The following KDM4A variants were observed in gnomAD, a reference collection of about 807,000 sequenced individuals.
The protein encoded by KDM4A is lysine demethylase 4A.
A neutral mutation model predicts 127.1 loss-of-function variants in KDM4A; 23 were observed. The observed-to-expected ratio is 0.18, with a 90% CI of 0.13 to 0.26. The LOEUF is 0.26. KDM4A is among the 10% of genes least tolerant of loss of function. The pLI is 1.00. For missense variants in KDM4A, 890 were observed against 1,329.1 expected, an observed-to-expected ratio of 0.67 and a Z score of 5.14; for synonymous variants, 443 against 466.5, an observed-to-expected ratio of 0.95 and a Z score of 0.65.
chr1:43,684,502 CA>C (rs548105760), intron 12 of KDM4A, among the ~76,000 whole-genome samples: 1 of 149,222 alleles, frequency 6.7e-6, no homozygotes, highest in Non-Finnish European at 1.5e-5. Context: ...GATGCCATCT[CA>C]AAAAAAAACA....
chr1:43,652,520 A>G (rs1660136794), intron 1 of KDM4A, among the ~76,000 whole-genome samples: 1 of 151,884 alleles, frequency 6.6e-6, no homozygotes, highest in South Asian at 2.1e-4. Context: ...TTTATTTAAA[A>G]AAAATTTTTT....
chr1:43,678,996 G>T (rs1217876375), intron 11 of KDM4A, among the ~76,000 whole-genome samples: 1 of 152,158 alleles, frequency 6.6e-6, no homozygotes, highest in Non-Finnish European at 1.5e-5. Context: ...TTGGGCCACT[G>T]TCACCAGAAT....
chr1:43,683,384 G>A (rs1017279183), intron 11 of KDM4A, among the ~76,000 whole-genome samples: 4 of 152,146 alleles, frequency 2.6e-5, no homozygotes, highest in East Asian at 1.9e-4. Flanking sequence ...TTAAGGGACC[G>A]GGCAAGCCTC....
Position 43,666,552 on chromosome 1 carries a change from C to G in KDM4A, c.774C>G (p.Asp258Glu). ...LMLKKYGIPF[D>E]KVTQEAGEFM... ...TGAAGAAATATGGAATTCCCTTTGA[C>G]AAGGTGAGCTGATGTTACATGCCAA... The change falls in exon 7 of 22, where the codon GAC becomes GAG. Residue 258 changes from aspartate to glutamate, a missense_variant. By Grantham distance (45) the Asp-to-Glu change is conservative. Around this residue, in one of 7 missense-constraint regions of KDM4A, gnomAD observed 141 missense variants for 273.5 expected, o/e 0.52. Coordinates refer to ENST00000372396, the MANE Select transcript of KDM4A (RefSeq NM_014663.3). 6.2e-7 allele frequency: 1 copy of G among 1,613,118 alleles called. No individual in the cohort carries two copies. The highest frequency in any genetic ancestry group is 8.5e-7 in the Non-Finnish European group (1 of 1,179,080).
chr1:43,677,088 G>A (rs918586988), intron 11 of KDM4A, among the ~76,000 whole-genome samples: 3 of 152,132 alleles, frequency 2.0e-5, no homozygotes, highest in African/African-American at 7.2e-5. Flanking sequence ...GCTCACACCT[G>A]TAATCCCAGC....
chr1:43,693,043 C>G lies in KDM4A; in HGVS notation c.2375+732C>G, dbSNP rs908033446. ...GTCCAGCCGCCTGCCCTCAAGAGTCCCAGTTATGCTGTCCCTGAGAGATAG... is the reference window on the plus strand; with the variant it reads ...GTCCAGCCGCCTGCCCTCAAGAGTCGCAGTTATGCTGTCCCTGAGAGATAG... On this transcript the variant is annotated intron_variant, in intron 16 of 21. Transcript: ENST00000372396. The surrounding 1 kb of genome is among the most constrained non-coding windows in gnomAD (Gnocchi z 4.2). Among the ~76,000 whole-genome samples, 1 of 152,168 alleles carries G rather than the reference C, an allele frequency of 6.6e-6. No homozygotes were observed. Among genetic ancestry groups the G allele is most frequent in the Non-Finnish European group, 1.5e-5 (1 of 68,038 alleles).
chr1:43,703,515 AAC>A (rs967806339), intron 19 of KDM4A, 100 bp from the exon 20 acceptor site: 3 of 1,463,480 alleles, frequency 2.0e-6, no homozygotes, highest in East Asian at 4.6e-5. Context: ...TGCTCTCTAA[AAC>A]AGTTACTTTG....
Position 43,661,953 on chromosome 1 carries a change from G to A in KDM4A, c.430-941G>A, listed in dbSNP as rs140618136. On this transcript the variant is annotated intron_variant, in intron 4 of 21. Transcript: ENST00000372396. ...CCTGCCACCCAGGCTAGAGGTTAGT[G>A]GTATGATCATAGATTACTGTAACCT... Among the ~76,000 whole-genome samples, 22 of 152,248 alleles carry A rather than the reference G, an allele frequency of 1.4e-4. No homozygotes were observed. In the East Asian group the frequency reaches 3.9e-3, roughly 27 times the overall value.
chr1:43,673,042 G>A (rs1410083574), intron 11 of KDM4A, among the ~76,000 whole-genome samples: 2 of 152,116 alleles, frequency 1.3e-5, no homozygotes, highest in Non-Finnish European at 2.9e-5. Flanking sequence ...ACACGAACAT[G>A]TGTGTTCAGG....
intron 10 of KDM4A, among the ~76,000 whole-genome samples, chr1:43,670,148 G>T (rs1660585327): frequency 6.6e-6 from 1 of 152,136 alleles, no homozygotes; most frequent in Non-Finnish European, 1.5e-5. Flanking sequence ...TTTAAGAGAG[G>T]GAGTGGTGTG....
chr1:43,661,926 G>A (rs6429632), intron 4 of KDM4A, among the ~76,000 whole-genome samples: 74,263 of 151,950 alleles, frequency 0.49, 19,537 homozygotes, highest in African/African-American at 0.71. Flanking sequence ...ACAGAGTCTC[G>A]CCCTGCCACC....
chr1:43,694,873 G>C lies in KDM4A; in HGVS notation c.2649G>C (p.Arg883=), dbSNP rs1417387742. 1.9e-6 allele frequency: 3 copies of C among 1,596,670 alleles called. No homozygotes were observed. The highest frequency in any genetic ancestry group is 2.6e-6 in the Non-Finnish European group (3 of 1,165,228). Residue 883 remains arginine (R), a synonymous_variant, in exon 18 of 22, where the codon CGG becomes CGC. Coordinates refer to ENST00000372396, the MANE Select transcript of KDM4A (RefSeq NM_014663.3). The surrounding 1 kb of genome is among the most constrained non-coding windows in gnomAD (Gnocchi z 5.2). ...WPFVVFITCF[R]HKIPNLERAK... Reference sequence around the variant, plus strand: ...TTGTGGTCTTCATTACCTGCTTTCGGCACAAGATTCCTAATTTGGAGGTGA... The same window carrying C: ...TTGTGGTCTTCATTACCTGCTTTCGCCACAAGATTCCTAATTTGGAGGTGA...
At chr1:43,686,151 G>GTTTTTTTTT (rs35512755) in intron 12 of KDM4A, among the ~76,000 whole-genome samples, 65 of 97,890 alleles carry the variant, frequency 6.6e-4, no homozygotes, top group Non-Finnish European at 8.2e-4. Context: ...TTTGTTTCTT[G>GTTTTTTTTT]TTTTTTTTTT....
intron 11 of KDM4A, among the ~76,000 whole-genome samples, chr1:43,678,781 A>G (rs1027257469): frequency 1.3e-5 from 2 of 151,868 alleles, no homozygotes; most frequent in Admixed American, 6.6e-5. Context: ...GTGATGGGGT[A>G]TCCTTATGTT....
At chr1:43,654,281 G>T (rs1008650641) in intron 2 of KDM4A, among the ~76,000 whole-genome samples, 3 of 152,210 alleles carry the variant, frequency 2.0e-5, no homozygotes, top group Non-Finnish European at 4.4e-5. Flanking sequence ...TAAAGAAAAG[G>T]CTGATCTTCA....
At chr1:43,697,714 C>G in intron 18 of KDM4A, 129 bp from the exon 19 acceptor site, 1 of 882,728 alleles carries the variant, frequency 1.1e-6, no homozygotes, top group Non-Finnish European at 1.7e-6. Context: ...CCCATCTCTT[C>G]TCTCCTTTTT....
Position 43,704,559 on chromosome 1 carries a change from C to A in KDM4A, c.*189C>A. The A allele has an allele frequency of 1.6e-6, 1 of 629,448 alleles. No homozygotes were observed. Among genetic ancestry groups the A allele is most frequent in the Non-Finnish European group, 2.7e-6 (1 of 373,584 alleles). 39.0% of individuals were successfully genotyped at this position (629,448 alleles called of 1,614,324 possible). On this transcript the variant is annotated 3_prime_UTR_variant, in exon 22 of 22. Transcript: ENST00000372396. ...GCTGTAGTGAAAGGACGAGCCATTTCTGGGCACGTGGCAGCAGTCGCTGAT... is the reference window on the plus strand; with the variant it reads ...GCTGTAGTGAAAGGACGAGCCATTTATGGGCACGTGGCAGCAGTCGCTGAT...
chr1:43,674,807 C>T (rs1391281482), intron 11 of KDM4A, among the ~76,000 whole-genome samples: 1 of 152,130 alleles, frequency 6.6e-6, no homozygotes, highest in Non-Finnish European at 1.5e-5. Context: ...TCGCGCCTGG[C>T]CTACTCATTT....
At chr1:43,668,783 T>C (rs1444134705) in intron 9 of KDM4A, among the ~76,000 whole-genome samples, 1 of 152,202 alleles carries the variant, frequency 6.6e-6, no homozygotes, top group East Asian at 1.9e-4. Flanking sequence ...CTGGGCCATA[T>C]GGGAAAGAAA....
Sources: gnomAD v4.1 joint callset for allele counts (sites outside exome capture counted in the v4.1 genomes callset) on GRCh38, gnomAD v4.1.1 for gene constraint, gnomAD v4.1.1 regional missense constraint, Gnocchi (gnomAD v3.1) non-coding constraint, MANE v1.5 for transcripts, NCBI Gene and HGNC (gene_info 2026-07-23, HGNC 2026-07-21) for gene names.